The following HGD variants were observed in gnomAD, a reference collection of about 807,000 sequenced individuals.
HGD encodes the protein homogentisate 1,2-dioxygenase, also known as homogentisate oxidase.
Under a neutral mutation model 60.8 loss-of-function variants are expected in HGD, and 61 were observed. The observed-to-expected ratio is 1.00, with a 90% CI of 0.82 to 1.24. The LOEUF (loss-of-function observed/expected upper bound fraction) is 1.24. Among genes scored for constraint, HGD ranks in the 50% most tolerant of loss-of-function variants. The pLI is 0.00. For synonymous variants in HGD, 212 were observed against 187.7 expected, an observed-to-expected ratio of 1.13 and a Z score of -1.06; for missense variants, 542 against 547.1, an observed-to-expected ratio of 0.99 and a Z score of 0.09.
chr3:120,663,826 C>T (rs1693786433), intron 4 of HGD, among the ~76,000 whole-genome samples: 1 of 151,710 alleles, frequency 6.6e-6, no homozygotes, highest in Admixed American at 6.6e-5. Context: ...AAAATATCTA[C>T]ACTCAAGAAG....
intron 4 of HGD, among the ~76,000 whole-genome samples, chr3:120,653,871 A>G (rs1354481916): frequency 2.0e-5 from 3 of 152,144 alleles, no homozygotes; most frequent in Non-Finnish European, 4.4e-5. Context: ...TGTTCTGTGC[A>G]TTGTGGGATG....
At chr3:120,638,120 C>G (rs1304862787) in intron 12 of HGD, among the ~76,000 whole-genome samples, 6 of 152,186 alleles carry the variant, frequency 3.9e-5, no homozygotes, top group African/African-American at 1.4e-4. Context: ...TTGCCTGCCA[C>G]CATGATTGTA....
chr3:120,668,786 G>A lies in HGD; in HGVS notation c.282+1641C>T, dbSNP rs561088760. ...CCCATTTTACAATTGAAACATCATA[G>A]CTTAAGACACAGCTAGTAAGTAGAT... On this transcript the variant is annotated intron_variant, in intron 4 of 13. Transcript: ENST00000283871. 1.2e-4 allele frequency among the ~76,000 whole-genome samples: 18 copies of A among 152,236 alleles called. No individual in the cohort carries two copies. In the South Asian group the frequency reaches 3.7e-3, roughly 32 times the overall value.
intron 13 of HGD, among the ~76,000 whole-genome samples, chr3:120,629,583 C>T (rs568188093): frequency 3.6e-4 from 55 of 152,272 alleles, no homozygotes; most frequent in African/African-American, 1.2e-3. Context: ...AGTATATCTT[C>T]AAGTTAAAAA....
At chr3:120,638,298 A>C (rs1940847147) in intron 12 of HGD, among the ~76,000 whole-genome samples, 157 bp downstream of exon 12, 2 of 152,198 alleles carry the variant, frequency 1.3e-5, no homozygotes, top group African/African-American at 4.8e-5. Context: ...AAGAGATTAA[A>C]GCTTGGGGAT....
At chr3:120,667,924 A>G (rs1369379395) in intron 4 of HGD, among the ~76,000 whole-genome samples, 1 of 152,216 alleles carries the variant, frequency 6.6e-6, no homozygotes, top group Non-Finnish European at 1.5e-5. Context: ...CATGAGACTC[A>G]GGAATGAGGT....
At chr3:120,659,420 C>T (rs6783720) in intron 4 of HGD, among the ~76,000 whole-genome samples, 71,294 of 151,936 alleles carry the variant, frequency 0.47, 17,580 homozygotes, top group East Asian at 0.64. Flanking sequence ...TCCACAGATC[C>T]CTAGGGCAGG....
chr3:120,650,794 G>A lies in HGD; in HGVS notation c.414C>T (p.Cys138=), dbSNP rs1941316424. 3.1e-6 allele frequency: 5 copies of A among 1,613,686 alleles called. No homozygotes were observed. The East Asian group carries it at 1.1e-4, about 36-fold the overall frequency. The change falls in exon 6 of 14, where the codon TGC becomes TGT. Residue 138 remains cysteine, a synonymous_variant. Transcript: ENST00000283871. The part of the protein sequence containing the change: ...NNGLAIHIFL[C]NTSMENRCFY... The stretch of plus-strand genomic sequence containing the variant: ...CTTACCTGTTCTCCATGGAGGTATT[G>A]CAGAGGAAAATGTGGATAGCAAGCC...
chr3:120,664,224 T>C (rs529449103), intron 4 of HGD, among the ~76,000 whole-genome samples: 1 of 151,972 alleles, frequency 6.6e-6, no homozygotes, highest in East Asian at 1.9e-4. Context: ...CATGAAGAGC[T>C]TGGGGAAGGT....
intron 2 of HGD, among the ~76,000 whole-genome samples, chr3:120,675,410 T>A (rs541890071): frequency 6.6e-6 from 1 of 152,220 alleles, no homozygotes; most frequent in South Asian, 2.1e-4. Context: ...TTGTTTCCCG[T>A]GTTGTTGCTT....
At chr3:120,651,770 G>A (rs753962187) in intron 5 of HGD, among the ~76,000 whole-genome samples, 6 of 152,120 alleles carry the variant, frequency 3.9e-5, no homozygotes, top group Non-Finnish European at 8.8e-5. Flanking sequence ...GCTCTGTGCA[G>A]TTATTCCAGT....
Position 120,646,253 on chromosome 3 carries a change from T to C in HGD, c.649+14A>G. On this transcript the variant is annotated intron_variant, in intron 9 of 13. Coordinates refer to ENST00000283871, the MANE Select transcript of HGD (RefSeq NM_000187.4). ...ATCTCAAGCGAGGCTTAGAGGCTTG[T>C]AATGAAGATTTACCAATTGGTCCAA... The C allele has an allele frequency of 6.7e-7, 1 of 1,488,972 alleles. No individual in the cohort carries two copies. The highest frequency in any genetic ancestry group is 9.4e-7 in the Non-Finnish European group (1 of 1,065,734). The allele number at this position is 1,488,972 out of a possible 1,614,324, so 92.2% of individuals were successfully genotyped here.
At chr3:120,656,311 C>A (rs746524080) in intron 4 of HGD, among the ~76,000 whole-genome samples, 1 of 152,142 alleles carries the variant, frequency 6.6e-6, no homozygotes, top group African/African-American at 2.4e-5. Context: ...CTTGATCAGA[C>A]TAATATAGTC....
intron 11 of HGD, 97 bp downstream of exon 11, chr3:120,641,492 T>C (rs1312833243): frequency 1.5e-5 from 12 of 823,376 alleles, no homozygotes; most frequent in Non-Finnish European, 2.4e-5. Context: ...AATGGTGACA[T>C]TGGAAATGTT....
At chr3:120,662,597 G>T (rs1707798002) in intron 4 of HGD, among the ~76,000 whole-genome samples, 1 of 152,156 alleles carries the variant, frequency 6.6e-6, no homozygotes. Flanking sequence ...CCATTCTATG[G>T]ACTTGGCACC....
chr3:120,638,480 C>T lies in HGD; in HGVS notation c.981G>A (p.Lys327=). ...IFPPRWGVAD[K]TFRPPYYHRN... ...TATGGTAATAAGGAGGCCTGAAGGTCTTATCAGCAACCCCCCATCGAGGTG... is the reference window on the plus strand; with the variant it reads ...TATGGTAATAAGGAGGCCTGAAGGTTTTATCAGCAACCCCCCATCGAGGTG... Residue 327 remains lysine (K), a synonymous_variant, in exon 12 of 14, where the codon AAG becomes AAA. Transcript: ENST00000283871. 1 of 1,613,868 alleles carries T rather than the reference C, an allele frequency of 6.2e-7. No homozygotes were observed. The highest frequency in any genetic ancestry group is 8.5e-7 in the Non-Finnish European group (1 of 1,179,890).
intron 1 of HGD, 122 bp from the exon 2 acceptor site, chr3:120,675,985 T>C: frequency 2.6e-6 from 2 of 762,930 alleles, no homozygotes; most frequent in Non-Finnish European, 4.8e-6. Flanking sequence ...ATGTTCCACA[T>C]ATAATATCTT....
chr3:120,651,783 TC>T (rs1235912552), intron 5 of HGD, among the ~76,000 whole-genome samples: 1 of 152,190 alleles, frequency 6.6e-6, no homozygotes, highest in Admixed American at 6.5e-5. Flanking sequence ...ATTCCAGTAC[TC>T]CTGGGACCTA....
intron 4 of HGD, among the ~76,000 whole-genome samples, chr3:120,657,217 A>T (rs1390309992): frequency 6.6e-6 from 1 of 152,262 alleles, no homozygotes; most frequent in East Asian, 1.9e-4. Flanking sequence ...GTGGTCAAAA[A>T]TAATTTGAAA....
Sources: allele counts gnomAD v4.1 joint callset (sites outside exome capture counted in the v4.1 genomes callset), GRCh38; gene constraint gnomAD v4.1.1; transcripts MANE v1.5; gene names NCBI Gene and HGNC (gene_info 2026-07-23, HGNC 2026-07-21).